DNAH9: variants seen among roughly 807,000 people sequenced by gnomAD.
DNAH9 encodes dynein axonemal heavy chain 9.
In DNAH9, 345 loss-of-function variants were observed where a neutral mutation model predicts 471.6. That is an observed-to-expected ratio of 0.73 (90% CI 0.67 to 0.80). The LOEUF is 0.80. Ranked by LOEUF, DNAH9 falls within the 30% of genes least tolerant of loss-of-function variation. The pLI is 0.00. For missense variants in DNAH9, 5,407 were observed against 5,609.2 expected (o/e 0.96, Z 1.15); for synonymous variants, 2,093 against 2,123.6 (o/e 0.99, Z 0.40).
chr17:11,932,076 C>T lies in DNAH9; in HGVS notation c.12168C>T (p.Tyr4056=), dbSNP rs142863590. The T allele has an allele frequency of 4.6e-5, 75 of 1,614,160 alleles. No homozygotes were observed. The African/African-American group carries it at 6.9e-4, about 15-fold the overall frequency. ...EFKSILFALC[Y]FHAVVAERRK... is the part of the protein sequence containing the mutation. ...AGAGCATCCTCTTTGCTCTTTGTTA[C>T]TTCCATGCGGTGGTGGCAGAAAGAC... Residue 4056 remains tyrosine, a synonymous_variant, in exon 64 of 69, where the codon TAC becomes TAT. Coordinates refer to ENST00000262442, the MANE Select transcript of DNAH9 (RefSeq NM_001372.4). The surrounding 1 kb of genome is among the most constrained non-coding windows in gnomAD (Gnocchi z 4.3).
At chr17:11,633,166 G>A (rs1259370834) in intron 8 of DNAH9, among the ~76,000 whole-genome samples, 1 of 152,204 alleles carries the variant, frequency 6.6e-6, no homozygotes, top group East Asian at 1.9e-4. Context: ...GTATGGAGGA[G>A]AAGGTTTAGG....
intron 2 of DNAH9, 48 bp downstream of exon 2, chr17:11,608,373 G>T (rs776278316): frequency 5.8e-6 from 8 of 1,385,406 alleles, no homozygotes; most frequent in Non-Finnish European, 7.0e-6. Context: ...TATGGGAGAT[G>T]CTGGTTATCA....
chr17:11,713,326 T>C (rs922019311), intron 26 of DNAH9, among the ~76,000 whole-genome samples: 1 of 152,198 alleles, frequency 6.6e-6, no homozygotes, highest in Admixed American at 6.5e-5. Flanking sequence ...AGGTTGATTC[T>C]CTGTCTTTGC....
In DNAH9 at chr17:11,617,567, C is replaced by T; in HGVS notation, c.1061C>T (p.Ser354Phe). Reference sequence around the variant, plus strand: ...TGGGCCACATGCAAGTCCTACCGCTCCCCGGGAAGGCTGACTGTGCTGCTC... The same window carrying T: ...TGGGCCACATGCAAGTCCTACCGCTTCCCGGGAAGGCTGACTGTGCTGCTC... The part of the protein sequence containing the change: ...LIWATCKSYR[S>F]PGRLTVLLQE... The change falls in exon 5 of 69, where the codon TCC becomes TTC. Residue 354 changes from serine (S) to phenylalanine (F), a missense_variant. Physicochemically the swap from Ser to Phe is radical, Grantham distance 155. This residue lies in a region of DNAH9 where 767 missense variants were observed against 692.5 expected (regional missense o/e 1.11). Transcript: ENST00000262442. 1.9e-6 allele frequency: 3 copies of T among 1,614,134 alleles called. No homozygotes were observed. The highest frequency in any genetic ancestry group is 1.7e-6 in the Non-Finnish European group (2 of 1,180,022).
chr17:11,901,661 G>A (rs558585810), intron 59 of DNAH9, among the ~76,000 whole-genome samples: 4 of 152,176 alleles, frequency 2.6e-5, no homozygotes, highest in African/African-American at 4.8e-5. Flanking sequence ...ATGCCACTGC[G>A]CTCCAGCCTG....
chr17:11,833,926 C>A (rs1466781631), intron 48 of DNAH9, among the ~76,000 whole-genome samples: 2 of 152,120 alleles, frequency 1.3e-5, no homozygotes, highest in Non-Finnish European at 2.9e-5. Flanking sequence ...TATGACTGAT[C>A]TTTATTAAGG....
intron 17 of DNAH9, among the ~76,000 whole-genome samples, chr17:11,670,807 G>T (rs944451277): frequency 6.6e-6 from 1 of 151,820 alleles, no homozygotes; most frequent in Non-Finnish European, 1.5e-5. Context: ...GGGTTCAAGC[G>T]ATTCTCCTAC....
At chr17:11,607,948 G>A (rs1310936222) in intron 1 of DNAH9, among the ~76,000 whole-genome samples, 181 bp from the exon 2 acceptor site, 3 of 152,100 alleles carry the variant, frequency 2.0e-5, no homozygotes, top group Admixed American at 6.5e-5. Flanking sequence ...GCTATTCAAG[G>A]GCTTCCCCAA....
At chr17:11,933,811 G>A (rs1206644027) in intron 64 of DNAH9, 69 bp from the exon 65 acceptor site, 7 of 1,441,002 alleles carry the variant, frequency 4.9e-6, no homozygotes, top group Non-Finnish European at 6.6e-6. Context: ...CTGCCCAGAT[G>A]GGAGGCCAGC....
At chr17:11,833,746 G>T (rs1269348352) in intron 48 of DNAH9, among the ~76,000 whole-genome samples, 2 of 152,082 alleles carry the variant, frequency 1.3e-5, no homozygotes, top group African/African-American at 4.8e-5. Context: ...GTAGAAAAAG[G>T]GTTGGTTCCT....
intron 55 of DNAH9, chr17:11,883,187 A>G (rs2150997357): frequency 2.0e-6 from 2 of 993,638 alleles, no homozygotes; most frequent in Non-Finnish European, 2.4e-6. Context: ...GCCATAGGAG[A>G]GTTGTTCATT....
In DNAH9 at chr17:11,598,518, G is replaced by T; in HGVS notation, c.20G>T (p.Arg7Leu). The T allele has an allele frequency of 6.5e-6, 9 of 1,388,022 alleles. No individual in the cohort carries two copies. Among genetic ancestry groups the T allele is most frequent in the Non-Finnish European group, 7.4e-6 (8 of 1,080,600 alleles). 86.0% of individuals were successfully genotyped at this position (1,388,022 alleles called of 1,614,324 possible). A position where few individuals can be genotyped will look rare whatever the true frequency, so the allele number is the denominator to read the frequency against. The stretch of plus-strand genomic sequence containing the variant: ...CGCGCGATGCGGCTCGCGGAGGAGC[G>T]GGCCGCGCTCGCGGCGGAGAACGCG... MRLAEE[R>L]AALAAENADG... The change falls in exon 1 of 69, where the codon CGG becomes CTG. Residue 7 changes from arginine to leucine, a missense_variant. By Grantham distance (102) the Arg-to-Leu change is moderately radical. Around this residue, in one of 3 missense-constraint regions of DNAH9, gnomAD observed 767 missense variants for 692.5 expected, o/e 1.11. Transcript: ENST00000262442.
intron 32 of DNAH9, among the ~76,000 whole-genome samples, chr17:11,749,331 G>T (rs543041557): frequency 6.6e-6 from 1 of 151,836 alleles, no homozygotes; most frequent in Non-Finnish European, 1.5e-5. Flanking sequence ...TGATCCTCCC[G>T]CCTCAGCCTC....
Position 11,707,866 on chromosome 17 carries a change from G to A in DNAH9, c.5552+2681G>A, listed in dbSNP as rs11078028. On this transcript the variant is annotated intron_variant, in intron 26 of 68. Coordinates refer to ENST00000262442, the MANE Select transcript of DNAH9 (RefSeq NM_001372.4). ...TGCCTGCAATGCCATTCTCAAGGCCGTCTGTTCCACTGGTACCGTCTCATG... is the reference window on the plus strand; with the variant it reads ...TGCCTGCAATGCCATTCTCAAGGCCATCTGTTCCACTGGTACCGTCTCATG... Among the ~76,000 whole-genome samples, 1,410 of 151,918 alleles carry A rather than the reference G, an allele frequency of 9.3e-3. 23 individuals carry two copies. Among genetic ancestry groups the A allele is most frequent in the African/African-American group, 0.032 (1,311 of 41,366 alleles).
At chr17:11,700,387 G>A (rs1264571711) in intron 23 of DNAH9, among the ~76,000 whole-genome samples, 2 of 152,078 alleles carry the variant, frequency 1.3e-5, no homozygotes, top group African/African-American at 2.4e-5. Flanking sequence ...CTACCACCGT[G>A]CTCCAGGAAC....
chr17:11,686,278 C>T (rs139405595), intron 19 of DNAH9, among the ~76,000 whole-genome samples: 17 of 152,252 alleles, frequency 1.1e-4, no homozygotes, highest in South Asian at 2.1e-4. Context: ...CATTTTTCCA[C>T]GATCAAATGC....
intron 6 of DNAH9, among the ~76,000 whole-genome samples, chr17:11,622,723 T>C (rs2072893471): frequency 6.6e-6 from 1 of 152,224 alleles, no homozygotes; most frequent in African/African-American, 2.4e-5. Context: ...TAAGCAGTGA[T>C]GGCCACCAGC....
At chr17:11,690,502 T>C in intron 20 of DNAH9, 66 bp downstream of exon 20, 1 of 1,441,706 alleles carries the variant, frequency 6.9e-7, no homozygotes, top group Non-Finnish European at 9.5e-7. Context: ...GGTCACCCAG[T>C]TCCTGCATTG....
chr17:11,821,326 T>C (rs1250174163), intron 45 of DNAH9, among the ~76,000 whole-genome samples: 1 of 151,950 alleles, frequency 6.6e-6, no homozygotes, highest in African/African-American at 2.4e-5. Flanking sequence ...TAACCATAAT[T>C]TTTTCAGATC....
Sources: allele counts gnomAD v4.1 joint callset (sites outside exome capture counted in the v4.1 genomes callset), GRCh38; gene constraint gnomAD v4.1.1; regional missense constraint gnomAD v4.1.1; non-coding constraint Gnocchi (gnomAD v3.1); transcripts MANE v1.5; gene names NCBI Gene and HGNC (gene_info 2026-07-23, HGNC 2026-07-21).